Variants in DMP1 observed in about 807,000 individuals in gnomAD.
The protein encoded by DMP1 is dentin matrix acidic phosphoprotein 1, also known as dentin matrix protein 1.
A neutral mutation model predicts 14.6 loss-of-function variants in DMP1; 20 were observed. That is an observed-to-expected ratio of 1.37 (90% confidence interval 0.96 to 1.99). The LOEUF is 1.99. Among genes scored for constraint, DMP1 ranks in the 30% most tolerant of loss-of-function variants. The pLI, the probability that DMP1 is intolerant of heterozygous loss-of-function variation, is 0.00. For synonymous variants in DMP1, 197 were observed against 215.3 expected, an observed-to-expected ratio of 0.91 and a Z score of 0.75; for missense variants, 567 against 620.5, an observed-to-expected ratio of 0.91 and a Z score of 0.92.
intron 5 of DMP1, among the ~76,000 whole-genome samples, chr4:87,660,240 C>T (rs1728821509): frequency 6.6e-6 from 1 of 152,174 alleles, no homozygotes; most frequent in Non-Finnish European, 1.5e-5. Context: ...ATCAAAGGAA[C>T]ATTCTAGAAA....
chr4:87,662,139 C>T lies in DMP1; in HGVS notation c.361C>T (p.Pro121Ser). ...CACCTTTGGTGACGATGACAGTGGC[C>T]CAGGGCCCAAAGACAGACAAGAAGG... Reference protein sequence around the residue: ...DDTFGDDDSGPGPKDRQEGGN... With the variant: ...DDTFGDDDSGSGPKDRQEGGN... The change falls in exon 6 of 6, where the codon CCA (proline) becomes TCA (serine). Residue 121 changes from proline to serine, a missense_variant. By Grantham distance (74) the Pro-to-Ser change is moderately conservative (BLOSUM62 -1). Coordinates refer to ENST00000339673, the MANE Select transcript of DMP1 (RefSeq NM_004407.4). 2 of 1,614,022 alleles carry T rather than the reference C, an allele frequency of 1.2e-6. No homozygotes were observed. Among genetic ancestry groups the T allele is most frequent in the Non-Finnish European group, 1.7e-6 (2 of 1,179,992 alleles).
intron 5 of DMP1, among the ~76,000 whole-genome samples, chr4:87,661,248 A>C (rs1166675239): frequency 1.0e-5 from 1 of 99,566 alleles, no homozygotes; most frequent in Non-Finnish European, 1.8e-5. Context: ...TTTGAGACGG[A>C]GTCTCGCTGT....
intron 3 of DMP1, among the ~76,000 whole-genome samples, chr4:87,658,341 C>T (rs1462608472): frequency 1.3e-5 from 2 of 152,210 alleles, no homozygotes; most frequent in African/African-American, 4.8e-5. Flanking sequence ...ACTTTGCCCT[C>T]CTCAAGGGGA....
At position 87,662,181 on chromosome 4, in the gene DMP1, G is replaced by T. The variant is rs901589575; in HGVS notation, c.403G>T (p.Gly135Ter). ...DRQEGGNSRL[G>*]SDEDSDDTIQ... Reference sequence around the variant, plus strand: ...ACAAGAAGGAGGAAACTCCAGACTGGGAAGTGATGAGGACTCTGATGACAC... The same window carrying T: ...ACAAGAAGGAGGAAACTCCAGACTGTGAAGTGATGAGGACTCTGATGACAC... The change falls in exon 6 of 6, where the codon GGA becomes TGA. Residue 135 changes from glycine to a stop codon, truncating the protein, a stop_gained. Coordinates refer to ENST00000339673, the MANE Select transcript of DMP1 (RefSeq NM_004407.4). LOFTEE classifies it low-confidence loss of function (END_TRUNC). 3.4e-5 allele frequency: 55 copies of T among 1,614,092 alleles called. No homozygotes were observed. The highest frequency in any genetic ancestry group is 4.7e-5 in the Non-Finnish European group (55 of 1,180,060).
intron 1 of DMP1, 48 bp from the exon 2 acceptor site, chr4:87,656,424 A>G (rs1728695836): frequency 2.7e-6 from 3 of 1,099,656 alleles, no homozygotes; most frequent in Non-Finnish European, 1.4e-6. Context: ...AGTTGAAACT[A>G]CTTTATTCCT....
At chr4:87,659,923 T>C (rs929780328) in intron 5 of DMP1, among the ~76,000 whole-genome samples, 2 of 152,244 alleles carry the variant, frequency 1.3e-5, no homozygotes, top group African/African-American at 4.8e-5. Context: ...GAAACTTTAA[T>C]GAAAAGAACT....
At chr4:87,661,816 A>G in intron 5 of DMP1, 146 bp from the exon 6 acceptor site, 1 of 1,430,656 alleles carries the variant, frequency 7.0e-7, no homozygotes, top group South Asian at 1.3e-5. Context: ...AAGCTCTGGT[A>G]GAGAGGTTAT....
At chr4:87,651,469 T>C (rs2110009110) in intron 1 of DMP1, among the ~76,000 whole-genome samples, 1 of 152,250 alleles carries the variant, frequency 6.6e-6, no homozygotes, top group Non-Finnish European at 1.5e-5. Context: ...AGAGTTCATA[T>C]CCTGGCCAAG....
chr4:87,652,789 A>C (rs965429202), intron 1 of DMP1, among the ~76,000 whole-genome samples: 2 of 152,222 alleles, frequency 1.3e-5, no homozygotes, highest in African/African-American at 4.8e-5. Context: ...CCTTCTGTCA[A>C]GGCTCTAACA....
chr4:87,661,464 C>T (rs1011477946), intron 5 of DMP1, among the ~76,000 whole-genome samples: 1 of 151,726 alleles, frequency 6.6e-6, no homozygotes, highest in Non-Finnish European at 1.5e-5. Context: ...CCTCGTGATC[C>T]GCCCGCCTCG....
intron 5 of DMP1, 54 bp from the exon 6 acceptor site, chr4:87,661,908 C>A (rs1728898010): frequency 1.1e-5 from 17 of 1,613,508 alleles, no homozygotes; most frequent in Non-Finnish European, 1.4e-5. Flanking sequence ...CTAGATAACT[C>A]CTTCTCTATC....
intron 1 of DMP1, among the ~76,000 whole-genome samples, chr4:87,652,929 A>G (rs996945808): frequency 1.1e-4 from 16 of 152,144 alleles, no homozygotes; most frequent in African/African-American, 3.4e-4. Context: ...TGAGAATATC[A>G]TATTTGAGAA....
chr4:87,654,795 C>A (rs1287550012), intron 1 of DMP1, among the ~76,000 whole-genome samples: 1 of 152,134 alleles, frequency 6.6e-6, no homozygotes, highest in African/African-American at 2.4e-5. Flanking sequence ...ATAAAGTAAA[C>A]ATAGACTAGA....
chr4:87,658,173 T>C (rs1183319053), intron 3 of DMP1, among the ~76,000 whole-genome samples: 1 of 152,252 alleles, frequency 6.6e-6, no homozygotes, highest in Non-Finnish European at 1.5e-5. Context: ...CAGCCTGCCA[T>C]TGTGCCTGCC....
In DMP1 at chr4:87,659,228, G is replaced by A. The variant is rs781627846; in HGVS notation, c.111G>A (p.Leu37=). The change falls in exon 4 of 6, where the codon TTG becomes TTA. Residue 37 remains leucine (L), a synonymous_variant. Transcript: ENST00000339673. ...SEDSEEWKGH[L]AQAPTPPLES... is the part of the protein sequence containing the mutation. Reference sequence around the variant, plus strand: ...CCTTTCCTTTTTTGCAGGGTCATTTGGCTCAGGCACCAACACCACCCTTGG... The same window carrying A: ...CCTTTCCTTTTTTGCAGGGTCATTTAGCTCAGGCACCAACACCACCCTTGG... 3 of 1,613,976 alleles carry A rather than the reference G, an allele frequency of 1.9e-6. No individual in the cohort carries two copies. In the East Asian group the frequency reaches 6.7e-5, roughly 36 times the overall value.
chr4:87,658,060 C>T (rs376672572), intron 3 of DMP1, among the ~76,000 whole-genome samples: 6 of 152,198 alleles, frequency 3.9e-5, no homozygotes, highest in African/African-American at 7.2e-5. Flanking sequence ...TAACCAGAGA[C>T]GCACAAACAT....
At chr4:87,653,413 A>AATATATATATATATATAT (rs1560489318) in intron 1 of DMP1, among the ~76,000 whole-genome samples, 2 of 112,684 alleles carry the variant, frequency 1.8e-5, no homozygotes, top group African/African-American at 3.7e-5. Flanking sequence ...ATATATATAT[A>AATATATATATATATATAT]TATATATATA....
intron 1 of DMP1, among the ~76,000 whole-genome samples, chr4:87,654,772 A>C (rs1728638199): frequency 6.6e-6 from 1 of 152,234 alleles, no homozygotes; most frequent in African/African-American, 2.4e-5. Context: ...GTGAATCTGC[A>C]TTTCTACATA....
At chr4:87,660,537 C>A (rs894617763) in intron 5 of DMP1, among the ~76,000 whole-genome samples, 1 of 152,160 alleles carries the variant, frequency 6.6e-6, no homozygotes, top group Non-Finnish European at 1.5e-5. Flanking sequence ...AGACATTGAT[C>A]AGTAGGGATG....
Sources: allele counts gnomAD v4.1 joint callset (sites outside exome capture counted in the v4.1 genomes callset), GRCh38; gene constraint gnomAD v4.1.1; transcripts MANE v1.5; gene names NCBI Gene and HGNC (gene_info 2026-07-23, HGNC 2026-07-21).